Variants in LRRC38 observed in about 807,000 individuals in gnomAD.
LRRC38 encodes the protein leucine rich repeat containing 38.
A neutral mutation model predicts 16.4 loss-of-function variants in LRRC38; 5 were observed. That is an observed-to-expected ratio of 0.31 (90% confidence interval 0.16 to 0.64). The LOEUF (loss-of-function observed/expected upper bound fraction) is 0.64, where lower values mean the gene tolerates loss of function less well. Ranked by LOEUF, LRRC38 falls within the 30% of genes least tolerant of loss-of-function variation. LRRC38 has a pLI of 0.80. For synonymous variants in LRRC38, 191 were observed against 190.2 expected (o/e 1.00, Z -0.04); for missense variants, 341 against 401.8 (o/e 0.85, Z 1.29).
intron 1 of LRRC38, among the ~76,000 whole-genome samples, chr1:13,504,286 C>T (rs925948094): frequency 6.6e-6 from 1 of 150,998 alleles, no homozygotes; most frequent in Non-Finnish European, 1.5e-5. Context: ...CATCGGACAG[C>T]TCATTGGAAG....
intron 1 of LRRC38, among the ~76,000 whole-genome samples, chr1:13,486,462 T>C (rs1176354587): frequency 6.6e-6 from 1 of 152,124 alleles, no homozygotes; most frequent in East Asian, 1.9e-4. Context: ...CAACCCACTA[T>C]AGGAATCACA....
At chr1:13,493,204 G>T (rs558173109) in intron 1 of LRRC38, among the ~76,000 whole-genome samples, 6 of 152,136 alleles carry the variant, frequency 3.9e-5, no homozygotes, top group Non-Finnish European at 7.4e-5. Context: ...AGCAGCAGGG[G>T]CCAGGGAAGA....
chr1:13,479,810 C>T (rs1209374325), intron 1 of LRRC38, among the ~76,000 whole-genome samples: 2 of 152,104 alleles, frequency 1.3e-5, no homozygotes, highest in Admixed American at 6.6e-5. Flanking sequence ...AAGCTGGCTA[C>T]AAAGGCTGTG....
intron 1 of LRRC38, among the ~76,000 whole-genome samples, chr1:13,512,404 A>ACT (rs1445418486): frequency 6.6e-6 from 1 of 152,198 alleles, no homozygotes; most frequent in Non-Finnish European, 1.5e-5. Flanking sequence ...GCCACAGAGA[A>ACT]CTACAAATCA....
Position 13,476,103 on chromosome 1 carries a change from A to G in LRRC38, c.632-4T>C. ...GAGCACTGGATTTCATCAAGGCCTG[A>G]GAAAAGGCAGGCAGAGGAGAGAGAG... On this transcript the variant is annotated splice_polypyrimidine_tract_variant and splice_region_variant and intron_variant, in intron 1 of 1. Coordinates refer to ENST00000376085, the MANE Select transcript of LRRC38 (RefSeq NM_001010847.2). 6.5e-7 allele frequency: 1 copy of G among 1,550,238 alleles called. No individual in the cohort carries two copies. The highest frequency in any genetic ancestry group is 1.4e-5 in the African/African-American group (1 of 73,150).
At chr1:13,512,936 T>G in intron 1 of LRRC38, 27 bp downstream of exon 1, 74 of 442,272 alleles carry the variant, frequency 1.7e-4, no homozygotes, top group Non-Finnish European at 2.0e-4. Context: ...CCTCCCTCCC[T>G]CCCCCAGCCT....
chr1:13,508,973 A>C (rs1048333494), intron 1 of LRRC38, among the ~76,000 whole-genome samples: 2 of 152,184 alleles, frequency 1.3e-5, no homozygotes, highest in Non-Finnish European at 1.5e-5. Context: ...CCTGCCTGCC[A>C]TGATGCCCTT....
rs191692953 is a variant in LRRC38, at chr1:13,506,789, G to T, written c.631+6174C>A. ...GCATTTTTACAGCCCGCACCAGCCC[G>T]AAGGCTGATAAGGCCGGCCAAGCAC... is the stretch of plus-strand genomic sequence containing the variant. On this transcript the variant is annotated intron_variant, in intron 1 of 1. Transcript: ENST00000376085. 1.2e-3 allele frequency among the ~76,000 whole-genome samples: 185 copies of T among 152,186 alleles called. 3 individuals are homozygous for T. The highest frequency in any genetic ancestry group is 1.5e-4 in the Non-Finnish European group (10 of 67,996).
intron 1 of LRRC38, among the ~76,000 whole-genome samples, chr1:13,488,898 C>A (rs1240469206): frequency 1.3e-5 from 2 of 152,078 alleles, no homozygotes; most frequent in African/African-American, 4.8e-5. Context: ...ATCCAGCCCA[C>A]CCAACCTCAT....
In LRRC38 at chr1:13,498,313, C is replaced by G. The variant is rs539015063; in HGVS notation, c.631+14650G>C. 2.0e-4 allele frequency among the ~76,000 whole-genome samples: 30 copies of G among 151,932 alleles called. 1 individual carries two copies. Among genetic ancestry groups the G allele is most frequent in the Non-Finnish European group, 3.5e-4 (24 of 67,996 alleles). On this transcript the variant is annotated intron_variant, in intron 1 of 1. Coordinates refer to ENST00000376085, the MANE Select transcript of LRRC38 (RefSeq NM_001010847.2). The stretch of plus-strand genomic sequence containing the variant: ...TTCCCCACACGCAAACCAAGGAAAG[C>G]AATGTATTTGGATATTATAAAATCT...
intron 1 of LRRC38, among the ~76,000 whole-genome samples, chr1:13,496,289 G>A (rs1049134050): frequency 3.9e-5 from 6 of 151,968 alleles, no homozygotes; most frequent in African/African-American, 9.7e-5. Context: ...TTGCCTCAGC[G>A]TCCCAAGTAG....
intron 1 of LRRC38, among the ~76,000 whole-genome samples, chr1:13,499,027 C>T (rs1247756163): frequency 1.3e-5 from 2 of 152,138 alleles, no homozygotes; most frequent in Non-Finnish European, 2.9e-5. Context: ...TGTCCAAATT[C>T]CCCCTTTTTA....
At chr1:13,484,301 T>C (rs2100494415) in intron 1 of LRRC38, among the ~76,000 whole-genome samples, 1 of 151,540 alleles carries the variant, frequency 6.6e-6, no homozygotes, top group East Asian at 2.0e-4. Context: ...CCCCCTTCCC[T>C]CTTTGTTTTT....
intron 1 of LRRC38, among the ~76,000 whole-genome samples, chr1:13,507,725 G>T (rs546997691): frequency 1.3e-4 from 20 of 152,264 alleles, no homozygotes; most frequent in Admixed American, 1.3e-3. Flanking sequence ...CCAGCTACTT[G>T]GGAGGCTGAG....
chr1:13,508,107 G>A (rs889665466), intron 1 of LRRC38, among the ~76,000 whole-genome samples: 4 of 151,320 alleles, frequency 2.6e-5, no homozygotes, highest in African/African-American at 9.7e-5. Flanking sequence ...CATGGTGGCA[G>A]GTGCCTGTAA....
intron 1 of LRRC38, among the ~76,000 whole-genome samples, chr1:13,502,067 A>G (rs998188955): frequency 1.3e-5 from 2 of 150,692 alleles, no homozygotes; most frequent in East Asian, 3.9e-4. Flanking sequence ...AGTGGGGACT[A>G]CAGGGGCACG....
chr1:13,505,936 C>T (rs1408789265), intron 1 of LRRC38, among the ~76,000 whole-genome samples: 4 of 149,120 alleles, frequency 2.7e-5, no homozygotes, highest in South Asian at 2.2e-4. Flanking sequence ...AAGGAGGGGC[C>T]CGTCTGGGCT....
intron 1 of LRRC38, among the ~76,000 whole-genome samples, chr1:13,488,405 G>T (rs1249201777): frequency 8.6e-5 from 13 of 151,864 alleles, no homozygotes; most frequent in African/African-American, 3.1e-4. Flanking sequence ...CTGAGCAGCT[G>T]GAATTACAGG....
chr1:13,477,393 G>A (rs1638802019), intron 1 of LRRC38, among the ~76,000 whole-genome samples: 1 of 152,196 alleles, frequency 6.6e-6, no homozygotes, highest in Admixed American at 6.5e-5. Flanking sequence ...CATGTAAAAT[G>A]TTTAGGATGA....
Sources: gnomAD v4.1 joint callset for allele counts (sites outside exome capture counted in the v4.1 genomes callset) on GRCh38, gnomAD v4.1.1 for gene constraint, MANE v1.5 for transcripts, NCBI Gene and HGNC (gene_info 2026-07-23, HGNC 2026-07-21) for gene names.